Variants in HYDIN observed in about 807,000 individuals in gnomAD.
HYDIN encodes axonemal central pair apparatus protein HYDIN.
HYDIN carries 132 observed loss-of-function variants against 403.9 expected under a neutral mutation model. That is an observed-to-expected ratio of 0.33 (90% CI 0.28 to 0.38). The LOEUF is 0.38. Among genes scored for constraint, HYDIN ranks in the 10% least tolerant of loss-of-function variants. The pLI is 1.00. For synonymous variants in HYDIN, 1,202 were observed against 1,891.7 expected (o/e 0.64, Z 9.46); for missense variants, 2,827 against 5,009.5 (o/e 0.56, Z 13.15).
At chr16:71,204,175 A>G (rs1343383906) in intron 1 of HYDIN, 3 of 170,858 alleles carry the variant, frequency 1.8e-5, no homozygotes, top group Non-Finnish European at 2.5e-5. Context: ...TGCAAACATT[A>G]TTAAACATAT....
chr16:71,186,203 T>C (rs1464790652), intron 2 of HYDIN, among the ~76,000 whole-genome samples: 1 of 152,168 alleles, frequency 6.6e-6, no homozygotes, highest in Admixed American at 6.6e-5. Flanking sequence ...CCTGGCACTA[T>C]ACATTTTTAC....
chr16:71,087,765 A>C (rs1414425856), intron 12 of HYDIN: 1 of 150,334 alleles, frequency 6.7e-6, no homozygotes, highest in Non-Finnish European at 1.5e-5. Context: ...AGATGGAGGG[A>C]GGTCTTGCTA....
chr16:70,841,310 A>C (rs1479581128), intron 75 of HYDIN, among the ~76,000 whole-genome samples: 1 of 152,082 alleles, frequency 6.6e-6, no homozygotes, highest in East Asian at 1.9e-4. Flanking sequence ...CCAGAGTAGA[A>C]AGATCTTGTA....
chr16:71,183,827 AAGAGG>A (rs1325536921), intron 3 of HYDIN, among the ~76,000 whole-genome samples: 2 of 152,132 alleles, frequency 1.3e-5, no homozygotes, highest in Admixed American at 6.6e-5. Context: ...AACTGAATTA[AAGAGG>A]AGAGGAGAGA....
chr16:70,895,521 G>A (rs1416321557), intron 54 of HYDIN, among the ~76,000 whole-genome samples: 37 of 151,904 alleles, frequency 2.4e-4, no homozygotes, highest in Non-Finnish European at 3.5e-4. Context: ...AGTTGGAAAC[G>A]GTATGGAAAT....
chr16:71,019,949 T>C (rs1185349427), intron 22 of HYDIN, among the ~76,000 whole-genome samples: 1 of 152,276 alleles, frequency 6.6e-6, no homozygotes, highest in African/African-American at 2.4e-5. Context: ...CAAATCCTGG[T>C]TCTGCCACTT....
At chr16:71,150,011 T>TA (rs1465362533) in intron 7 of HYDIN, among the ~76,000 whole-genome samples, 1 of 144,278 alleles carries the variant, frequency 6.9e-6, no homozygotes, top group African/African-American at 2.6e-5. Context: ...GGACAGCAGA[T>TA]AAAGTTCAGG....
intron 1 of HYDIN, among the ~76,000 whole-genome samples, chr16:71,202,120 T>A (rs991756548): frequency 1.3e-5 from 2 of 152,194 alleles, no homozygotes; most frequent in Non-Finnish European, 2.9e-5. Flanking sequence ...ACTGGTAGGA[T>A]TTCAGGAGCA....
Position 70,850,682 on chromosome 16 carries a change from A to G in HYDIN, c.12444-27T>C, listed in dbSNP as rs542065941. On this transcript the variant is annotated intron_variant, in intron 73 of 85. Coordinates refer to ENST00000393567, the MANE Select transcript of HYDIN (RefSeq NM_001270974.2). Reference sequence around the variant, plus strand: ...TGGTTGGGGAACAAAACAGCAGATTACCTGACTAGGCCAACTTGTCAAAAC... The same window carrying G: ...TGGTTGGGGAACAAAACAGCAGATTGCCTGACTAGGCCAACTTGTCAAAAC... The G allele has an allele frequency of 3.3e-5, 52 of 1,570,602 alleles. No individual in the cohort carries two copies. The East Asian group carries it at 1.1e-3, about 34-fold the overall frequency.
At chr16:70,904,836 A>G (rs1186803540) in intron 50 of HYDIN, among the ~76,000 whole-genome samples, 1 of 151,090 alleles carries the variant, frequency 6.6e-6, no homozygotes, top group Admixed American at 6.6e-5. Flanking sequence ...CATCTGTTTT[A>G]GAGATGACCT....
At chr16:71,157,979 C>T (rs1206063721) in intron 6 of HYDIN, among the ~76,000 whole-genome samples, 1 of 146,958 alleles carries the variant, frequency 6.8e-6, no homozygotes, top group African/African-American at 2.5e-5. Context: ...TGGCTGGGGA[C>T]TCTGCTGAAG....
At chr16:70,809,477 C>T (rs2035317364) in intron 85 of HYDIN, among the ~76,000 whole-genome samples, 1 of 152,236 alleles carries the variant, frequency 6.6e-6, no homozygotes. Flanking sequence ...GATACCATGA[C>T]TACTAAGCTA....
At position 70,994,247 on chromosome 16, in the gene HYDIN, TTGAA is replaced by T. The variant is rs2079453126; in HGVS notation, c.3645-2041_3645-2038del. ...CCAAGCTCAACAGATGTTTGGTTGA[TTGAA>T]TGAATGGATGGATGCATGGATGGAT... On this transcript the variant is annotated intron_variant, in intron 23 of 85. Coordinates refer to ENST00000393567, the MANE Select transcript of HYDIN (RefSeq NM_001270974.2). Among the ~76,000 whole-genome samples, 4 of 138,288 alleles carry T rather than the reference TTGAA, an allele frequency of 2.9e-5. No individual in the cohort carries two copies. The South Asian group carries it at 7.7e-4, about 27-fold the overall frequency. 90.7% of individuals were successfully genotyped at this position (138,288 alleles called of 152,430 possible). A position where few individuals can be genotyped will look rare whatever the true frequency, so the allele number is the denominator to read the frequency against.
chr16:71,002,055 G>A (rs1329122306), intron 23 of HYDIN, among the ~76,000 whole-genome samples: 2 of 152,174 alleles, frequency 1.3e-5, no homozygotes, highest in African/African-American at 2.4e-5. Flanking sequence ...GTTGAATTCT[G>A]TCTTTTCCTT....
intron 53 of HYDIN, among the ~76,000 whole-genome samples, chr16:70,898,867 C>T (rs2076281495): frequency 1.3e-5 from 2 of 151,370 alleles, no homozygotes; most frequent in Non-Finnish European, 2.9e-5. Flanking sequence ...CCTCAGCCTC[C>T]CGAGTAGCTG....
At chr16:70,902,819 A>ATC (rs1444020291) in intron 52 of HYDIN, among the ~76,000 whole-genome samples, 1 of 17,198 alleles carries the variant, frequency 5.8e-5, no homozygotes, top group African/African-American at 2.4e-4. Context: ...ATATATATAT[A>ATC]TATTTTTTTT....
At chr16:70,810,547 C>T (rs138436725) in intron 84 of HYDIN, among the ~76,000 whole-genome samples, 5 of 152,228 alleles carry the variant, frequency 3.3e-5, no homozygotes, top group South Asian at 4.2e-4. Flanking sequence ...TGAGGTAGAG[C>T]GGGGCCTGGT....
chr16:70,891,324 G>T (rs1253101738), intron 57 of HYDIN, among the ~76,000 whole-genome samples: 9 of 152,104 alleles, frequency 5.9e-5, no homozygotes, highest in Admixed American at 5.9e-4. Flanking sequence ...GAGTAGCTGG[G>T]ATTACAGGCA....
At chr16:70,933,368 G>A (rs892789056) in intron 45 of HYDIN, among the ~76,000 whole-genome samples, 3 of 148,026 alleles carry the variant, frequency 2.0e-5, no homozygotes, top group African/African-American at 7.5e-5. Context: ...CTGGAAGAAA[G>A]GCAGCATAGA....
Sources: allele counts gnomAD v4.1 joint callset (sites outside exome capture counted in the v4.1 genomes callset), GRCh38; gene constraint gnomAD v4.1.1; transcripts MANE v1.5; gene names NCBI Gene and HGNC (gene_info 2026-07-23, HGNC 2026-07-21).